The following CABLES1 variants were observed in gnomAD, a reference collection of about 807,000 sequenced individuals.
CABLES1 encodes the protein CDK5 and ABL1 enzyme substrate 1.
Under a neutral mutation model 57.8 loss-of-function variants are expected in CABLES1, and 36 were observed. The ratio of observed to expected loss-of-function variants is 0.62; its 90% CI spans 0.48 to 0.82. The LOEUF (loss-of-function observed/expected upper bound fraction) is 0.82. CABLES1 is among the 40% of genes least tolerant of loss of function. The pLI is 0.00. For synonymous variants in CABLES1, 374 were observed against 363.0 expected, an observed-to-expected ratio of 1.03 and a Z score of -0.35; for missense variants, 767 against 836.6, an observed-to-expected ratio of 0.92 and a Z score of 1.03.
intron 2 of CABLES1, among the ~76,000 whole-genome samples, chr18:23,191,939 A>T (rs2047246805): frequency 7.0e-6 from 1 of 142,958 alleles, no homozygotes; most frequent in Non-Finnish European, 1.5e-5. Context: ...AAAAAAAAAA[A>T]AAGGCAACAC....
intron 1 of CABLES1, among the ~76,000 whole-genome samples, chr18:23,165,200 A>G (rs2047033615): frequency 6.6e-6 from 1 of 152,040 alleles, no homozygotes; most frequent in Non-Finnish European, 1.5e-5. Flanking sequence ...GACTCCAGCA[A>G]TCCTCCCAAG....
intron 1 of CABLES1, among the ~76,000 whole-genome samples, chr18:23,160,009 C>T (rs1598804270): frequency 6.6e-6 from 1 of 150,786 alleles, no homozygotes; most frequent in African/African-American, 2.4e-5. Context: ...TAAAATTATC[C>T]AAATAAGATA....
chr18:23,210,050 C>T (rs960603560), intron 3 of CABLES1, among the ~76,000 whole-genome samples: 5 of 152,282 alleles, frequency 3.3e-5, no homozygotes, highest in African/African-American at 4.8e-5. Flanking sequence ...GACGGTGCTC[C>T]GTTAGCTTCC....
Position 23,136,453 on chromosome 18 carries a change from G to C in CABLES1, c.691G>C (p.Gly231Arg), listed in dbSNP as rs1392113295. The C allele has an allele frequency of 6.2e-7, 1 of 1,604,174 alleles. No homozygotes were observed. The highest frequency in any genetic ancestry group is 8.5e-7 in the Non-Finnish European group (1 of 1,177,094). ...CGCCTTTTTGGGCTCCGGGACCCCC[G>C]GGAGTGGGAGCGGCAGTCGGGGACG... ...AAAFLGSGTP[G>R]SGSGSRGRLN... is the part of the protein sequence containing the mutation. The change falls in exon 1 of 10, where the codon GGG becomes CGG. Residue 231 changes from glycine to arginine, a missense_variant. Transcript: ENST00000256925.
chr18:23,161,922 C>CAA (rs879325669), intron 1 of CABLES1, among the ~76,000 whole-genome samples: 1 of 137,544 alleles, frequency 7.3e-6, no homozygotes, highest in Non-Finnish European at 1.6e-5. Context: ...GACTCCGTCT[C>CAA]AAAAAAAAAA....
intron 7 of CABLES1, among the ~76,000 whole-genome samples, chr18:23,243,639 A>T (rs563268416): frequency 1.3e-5 from 2 of 151,884 alleles, no homozygotes; most frequent in Non-Finnish European, 2.9e-5. Context: ...TTGGGAGGCC[A>T]AGGCGGGTGG....
intron 4 of CABLES1, among the ~76,000 whole-genome samples, chr18:23,233,329 C>G (rs1331539292): frequency 6.6e-6 from 1 of 152,140 alleles, no homozygotes; most frequent in East Asian, 1.9e-4. Flanking sequence ...TGAGCAGTTA[C>G]ACCTGAGCAT....
Position 23,260,363 on chromosome 18 carries a change from C to G in CABLES1, c.*2996C>G, listed in dbSNP as rs2145155344. On this transcript the variant is annotated 3_prime_UTR_variant, in exon 10 of 10. Transcript: ENST00000256925. ...GCCGCTTCACACAAGCCACTCTGTA[C>G]CACGTGCCCTACCTTAGTGACGGGA... is the stretch of plus-strand genomic sequence containing the variant. 6.6e-6 allele frequency: 1 copy of G among 152,394 alleles called. No individual in the cohort carries two copies. Among genetic ancestry groups the G allele is most frequent in the African/African-American group, 2.4e-5 (1 of 41,576 alleles). The allele number at this position is 152,394 out of a possible 1,614,324, so 9.4% of individuals were successfully genotyped here. A position where few individuals can be genotyped will look rare whatever the true frequency, so the allele number is the denominator to read the frequency against.
At chr18:23,160,520 C>G (rs1325075830) in intron 1 of CABLES1, among the ~76,000 whole-genome samples, 1 of 152,150 alleles carries the variant, frequency 6.6e-6, no homozygotes, top group Non-Finnish European at 1.5e-5. Flanking sequence ...GTCCAGGGTC[C>G]CTTCCTGAAG....
intron 1 of CABLES1, among the ~76,000 whole-genome samples, chr18:23,181,758 A>G (rs2047168734): frequency 6.6e-6 from 1 of 152,142 alleles, no homozygotes; most frequent in South Asian, 2.1e-4. Context: ...GGGTGTTTCC[A>G]TTTTGTTTGG....
At position 23,248,936 on chromosome 18, in the gene CABLES1, C is replaced by T. The variant is rs544432230; in HGVS notation, c.1447-4024C>T. Among the ~76,000 whole-genome samples the T allele has an allele frequency of 2.0e-5, 3 of 152,362 alleles. No homozygotes were observed. In the South Asian group the frequency reaches 6.2e-4, roughly 32 times the overall value. The stretch of plus-strand genomic sequence containing the variant: ...TTTCAGGAATGATCCACAAGCCACA[C>T]TGTAGAACTGTGCCACCCAGGAGGC... On this transcript the variant is annotated intron_variant, in intron 7 of 9. Transcript: ENST00000256925.
At chr18:23,222,977 G>A (rs889116016) in intron 4 of CABLES1, among the ~76,000 whole-genome samples, 9 of 152,218 alleles carry the variant, frequency 5.9e-5, no homozygotes, top group African/African-American at 2.2e-4. Context: ...CCCCGCATTA[G>A]CCTCGCAGCC....
intron 4 of CABLES1, among the ~76,000 whole-genome samples, chr18:23,227,963 T>G (rs2047540129): frequency 6.6e-6 from 1 of 152,224 alleles, no homozygotes; most frequent in Non-Finnish European, 1.5e-5. Context: ...TCCAAGTTCT[T>G]GGGCTTAGAG....
At chr18:23,219,114 C>T in intron 4 of CABLES1, 1 of 451,232 alleles carries the variant, frequency 2.2e-6, no homozygotes. Flanking sequence ...TACCATTGTA[C>T]AGCAGAATTC....
intron 1 of CABLES1, among the ~76,000 whole-genome samples, chr18:23,163,886 G>C (rs1282612363): frequency 6.6e-6 from 1 of 152,136 alleles, no homozygotes; most frequent in Non-Finnish European, 1.5e-5. Context: ...TTAAAAGTAA[G>C]AGTTTAAAAA....
chr18:23,174,479 C>CTTTTTTTTTTTTTTTTTTTTTTTTTTT (rs979810121), intron 1 of CABLES1, among the ~76,000 whole-genome samples: 1 of 148,228 alleles, frequency 6.7e-6, no homozygotes, highest in African/African-American at 2.5e-5. Flanking sequence ...GTGTTTAAAA[C>CTTTTTTTTTTTTTTTTTTTTTTTTTTT]TTTTTTTTTT....
intron 1 of CABLES1, among the ~76,000 whole-genome samples, chr18:23,187,119 ACCT>A (rs2047208501): frequency 6.6e-6 from 1 of 151,954 alleles, no homozygotes; most frequent in African/African-American, 2.4e-5. Context: ...TCAGTTCCCC[ACCT>A]CCTCAGCTCG....
intron 3 of CABLES1, among the ~76,000 whole-genome samples, chr18:23,202,327 A>G (rs1183796759): frequency 6.6e-6 from 1 of 152,216 alleles, no homozygotes; most frequent in Non-Finnish European, 1.5e-5. Context: ...GCAACTCAAG[A>G]TCTTTTTGAA....
chr18:23,174,185 T>G (rs1354838680), intron 1 of CABLES1, among the ~76,000 whole-genome samples: 7 of 152,188 alleles, frequency 4.6e-5, no homozygotes, highest in Non-Finnish European at 1.0e-4. Flanking sequence ...ACTCTGGACA[T>G]TTCATATAAG....
Sources: allele counts gnomAD v4.1 joint callset (sites outside exome capture counted in the v4.1 genomes callset), GRCh38; gene constraint gnomAD v4.1.1; transcripts MANE v1.5; gene names NCBI Gene and HGNC (gene_info 2026-07-23, HGNC 2026-07-21).